ATP10A: variants seen among roughly 807,000 people sequenced by gnomAD.
ATP10A encodes the protein ATPase phospholipid transporting 10A (putative).
A neutral mutation model predicts 147.8 loss-of-function variants in ATP10A; 111 were observed. The observed-to-expected ratio is 0.75, with a 90% confidence interval of 0.64 to 0.88. ATP10A has a LOEUF of 0.88. ATP10A is among the 40% of genes least tolerant of loss of function. The pLI is 0.00. For synonymous variants in ATP10A, 875 were observed against 841.6 expected, an observed-to-expected ratio of 1.04 and a Z score of -0.69; for missense variants, 1,927 against 1,959.0, an observed-to-expected ratio of 0.98 and a Z score of 0.31.
intron 2 of ATP10A, among the ~76,000 whole-genome samples, chr15:25,748,441 T>C (rs1489450013): frequency 6.6e-6 from 1 of 152,162 alleles, no homozygotes; most frequent in Non-Finnish European, 1.5e-5. Context: ...TGCATTTGAT[T>C]CAACATTTAT....
At chr15:25,715,009 A>G (rs1185788708) in intron 9 of ATP10A, among the ~76,000 whole-genome samples, 1 of 151,834 alleles carries the variant, frequency 6.6e-6, no homozygotes, top group Non-Finnish European at 1.5e-5. Context: ...CACAATTGTT[A>G]AAGTTTCAAA....
At chr15:25,757,692 C>G (rs907174690) in intron 2 of ATP10A, among the ~76,000 whole-genome samples, 1 of 152,162 alleles carries the variant, frequency 6.6e-6, no homozygotes, top group Non-Finnish European at 1.5e-5. Flanking sequence ...TGAGAGATAA[C>G]TTTGTGTGGT....
rs745618857 is a variant in ATP10A, at chr15:25,679,872, C to G, written c.3969G>C (p.Glu1323Asp). 6.2e-7 allele frequency: 1 copy of G among 1,610,242 alleles called. No homozygotes were observed. The highest frequency in any genetic ancestry group is 1.3e-5 in the African/African-American group (1 of 74,938). ...TCGGGAGGCGTCCCTGAGCAAAGGT[C>G]TCTTTGGGAGCACTGCATCTCCTGG... ...KSPRRCSAPK[E>D]TFAQGRLPKD... The change falls in exon 21 of 21, where the codon GAG (glutamate) becomes GAC (aspartate). Residue 1323 changes from glutamate (E) to aspartate (D), a missense_variant. Glu to Asp is a conservative substitution (Grantham distance 45). Transcript: ENST00000555815.
chr15:25,808,753 G>C (rs749038089), intron 1 of ATP10A, among the ~76,000 whole-genome samples: 14 of 152,262 alleles, frequency 9.2e-5, no homozygotes, highest in East Asian at 5.8e-4. Context: ...TCCCCCATTG[G>C]GTGGCTGACC....
intron 1 of ATP10A, among the ~76,000 whole-genome samples, chr15:25,796,960 A>G (rs1439837607): frequency 2.0e-5 from 3 of 152,270 alleles, no homozygotes; most frequent in East Asian, 3.8e-4. Context: ...AACCATTAAC[A>G]TCTCACATAC....
chr15:25,854,696 G>A (rs1398347661), intron 1 of ATP10A, among the ~76,000 whole-genome samples: 5 of 152,308 alleles, frequency 3.3e-5, no homozygotes, highest in Non-Finnish European at 2.9e-5. Flanking sequence ...GACTGAAGTT[G>A]TCTTCCATGT....
At chr15:25,716,478 T>C (rs1901813895) in intron 9 of ATP10A, among the ~76,000 whole-genome samples, 1 of 152,118 alleles carries the variant, frequency 6.6e-6, no homozygotes, top group Non-Finnish European at 1.5e-5. Flanking sequence ...TCAGAAGTCA[T>C]CTCTGGTGGG....
chr15:25,734,032 C>T (rs1038789652), intron 3 of ATP10A, among the ~76,000 whole-genome samples: 11 of 152,190 alleles, frequency 7.2e-5, no homozygotes, highest in African/African-American at 2.7e-4. Context: ...CACAGCCAGG[C>T]AAGGGCCTCA....
intron 1 of ATP10A, among the ~76,000 whole-genome samples, chr15:25,798,061 C>T (rs927609203): frequency 6.6e-5 from 10 of 152,080 alleles, no homozygotes; most frequent in Admixed American, 3.3e-4. Context: ...ATCTGGAATC[C>T]GGCCTAGTTA....
intron 10 of ATP10A, 45 bp from the exon 11 acceptor site, chr15:25,708,345 G>A (rs1292608484): frequency 6.5e-7 from 1 of 1,547,984 alleles, no homozygotes; most frequent in South Asian, 1.1e-5. Context: ...ACTGGCGCCT[G>A]TGGAATGGTC....
chr15:25,730,182 T>A (rs1344698140), intron 3 of ATP10A, among the ~76,000 whole-genome samples: 1 of 149,032 alleles, frequency 6.7e-6, no homozygotes, highest in Non-Finnish European at 1.5e-5. Context: ...ACACCTGTAA[T>A]CCCAGCTACT....
At chr15:25,860,261 G>A (rs973473228) in intron 1 of ATP10A, among the ~76,000 whole-genome samples, 2 of 151,872 alleles carry the variant, frequency 1.3e-5, no homozygotes, top group Admixed American at 1.3e-4. Context: ...GCCCCACCTT[G>A]CTTGGCACCA....
At chr15:25,778,221 G>A (rs1220822022) in intron 2 of ATP10A, among the ~76,000 whole-genome samples, 1 of 152,058 alleles carries the variant, frequency 6.6e-6, no homozygotes, top group East Asian at 1.9e-4. Flanking sequence ...CATTAAACTG[G>A]TAAAATATTA....
At chr15:25,832,086 G>A (rs1053035375) in intron 1 of ATP10A, among the ~76,000 whole-genome samples, 1 of 152,140 alleles carries the variant, frequency 6.6e-6, no homozygotes, top group Non-Finnish European at 1.5e-5. Flanking sequence ...TGACAGAGAA[G>A]ACAGCCATGT....
intron 1 of ATP10A, among the ~76,000 whole-genome samples, chr15:25,833,663 A>AT (rs1193212757): frequency 6.6e-6 from 1 of 152,098 alleles, no homozygotes; most frequent in Non-Finnish European, 1.5e-5. Flanking sequence ...CATGGACTTA[A>AT]TTTTTTTGTG....
chr15:25,721,373 C>T (rs4906624), intron 7 of ATP10A, among the ~76,000 whole-genome samples: 24,703 of 152,192 alleles, frequency 0.16, 2,158 homozygotes, highest in African/African-American at 0.22. Flanking sequence ...GAGCTCCTTG[C>T]GGGTGGCTTG....
At chr15:25,740,046 G>A (rs1596795227) in intron 2 of ATP10A, among the ~76,000 whole-genome samples, 1 of 152,300 alleles carries the variant, frequency 6.6e-6, no homozygotes, top group East Asian at 1.9e-4. Flanking sequence ...GGAGGCGTGT[G>A]TCTAATTCAG....
Position 25,691,499 on chromosome 15 carries a change from G to A in ATP10A, c.3165+216C>T, listed in dbSNP as rs577527525. Reference sequence around the variant, plus strand: ...ATAGACTTGTGACATGGGAAGACATGCTTATTGCACACTGCTTCATAAACA... The same window carrying A: ...ATAGACTTGTGACATGGGAAGACATACTTATTGCACACTGCTTCATAAACA... On this transcript the variant is annotated intron_variant, in intron 15 of 20. Transcript: ENST00000555815. Among the ~76,000 whole-genome samples, 3 of 152,194 alleles carry A rather than the reference G, an allele frequency of 2.0e-5. No individual in the cohort carries two copies. The South Asian group carries it at 6.2e-4, about 31-fold the overall frequency.
chr15:25,757,898 T>G (rs4906766), intron 2 of ATP10A, among the ~76,000 whole-genome samples: 1,639 of 7,404 alleles, frequency 0.22, 126 homozygotes, highest in East Asian at 0.44. Context: ...AACTCATTCC[T>G]ATCACCTGCT....
Sources: gnomAD v4.1 joint callset for allele counts (sites outside exome capture counted in the v4.1 genomes callset) on GRCh38, gnomAD v4.1.1 for gene constraint, MANE v1.5 for transcripts, NCBI Gene and HGNC (gene_info 2026-07-23, HGNC 2026-07-21) for gene names.